LILRA5: variants seen among roughly 807,000 people sequenced by gnomAD.
LILRA5 encodes the protein leukocyte immunoglobulin like receptor A5.
Under a neutral mutation model 36.3 loss-of-function variants are expected in LILRA5, and 31 were observed. The observed-to-expected ratio is 0.85, with a 90% CI of 0.64 to 1.15. The LOEUF (loss-of-function observed/expected upper bound fraction) is 1.15, where lower values mean the gene tolerates loss of function less well. Among genes scored for constraint, LILRA5 ranks in the 50% most tolerant of loss-of-function variants. The pLI is 0.00. For synonymous variants in LILRA5, 144 were observed against 144.8 expected (o/e 0.99, Z 0.04); for missense variants, 348 against 377.4 (o/e 0.92, Z 0.64).
rs754815626 is a variant in LILRA5, at chr19:54,312,631, CAG to C, written c.4-12_4-11del. The stretch of plus-strand genomic sequence containing the variant: ...GATGAGACCATGGTGCCTGGCAGGA[CAG>C]AGAGACACACAGGGTGTGGCAGCTC... On this transcript the variant is annotated splice_polypyrimidine_tract_variant and intron_variant, in intron 1 of 6. Coordinates refer to ENST00000432233, the MANE Select transcript of LILRA5 (RefSeq NM_021250.4). 1.9e-5 allele frequency: 31 copies of C among 1,613,600 alleles called. No homozygotes were observed. Among genetic ancestry groups the C allele is most frequent in the East Asian group, 4.5e-5 (2 of 44,886 alleles).
At chr19:54,312,918 C>G in intron 1 of LILRA5, 99 bp downstream of exon 1, 1 of 1,504,860 alleles carries the variant, frequency 6.6e-7, no homozygotes. Flanking sequence ...GAGTCAGCCC[C>G]TTTCAGGCGA....
chr19:54,310,302 A>T (rs73617983), intron 5 of LILRA5: 2,434 of 155,148 alleles, frequency 0.016, 77 homozygotes, highest in African/African-American at 0.056. Flanking sequence ...TCCTTCCTCT[A>T]CTCATCACTC....
At chr19:54,312,746 TC>T (rs1000476591) in intron 1 of LILRA5, 125 bp from the exon 2 acceptor site, 4 of 994,124 alleles carry the variant, frequency 4.0e-6, no homozygotes, top group African/African-American at 3.2e-5. Flanking sequence ...GGCTCTCATT[TC>T]CCCAGGGCTG....
At chr19:54,307,897 C>A in intron 5 of LILRA5, 149 bp from the exon 6 acceptor site, 2 of 653,234 alleles carry the variant, frequency 3.1e-6, no homozygotes, top group South Asian at 3.5e-5. Context: ...TCTGCTGGAG[C>A]AGGGTTCCCT....
Position 54,311,525 on chromosome 19 carries a change from C to T in LILRA5, c.601G>A (p.Val201Met), listed in dbSNP as rs762467505. Reference protein sequence around the residue: ...PSGQFQALFPVGPVTPSHRWM... With the variant: ...PSGQFQALFPMGPVTPSHRWM... ...CTGTGGCTGGGGGTCACAGGGCCCACAGGGAACAGGGCCTGGAACTGCCCA... is the reference window on the plus strand; with the variant it reads ...CTGTGGCTGGGGGTCACAGGGCCCATAGGGAACAGGGCCTGGAACTGCCCA... The change falls in exon 5 of 7, where the codon GTG becomes ATG. Residue 201 changes from valine (V) to methionine (M), a missense_variant. By Grantham distance (21) the Val-to-Met change is conservative. Transcript: ENST00000432233. 1.2e-6 allele frequency: 2 copies of T among 1,614,182 alleles called. No homozygotes were observed. The highest frequency in any genetic ancestry group is 1.1e-5 in the South Asian group (1 of 91,084).
At chr19:54,308,313 A>ATGTGTGTGTGTGTG (rs1208329632) in intron 5 of LILRA5, 4 of 52,664 alleles carry the variant, frequency 7.6e-5, no homozygotes, top group Middle Eastern at 9.8e-3. Flanking sequence ...ATGTATATAA[A>ATGTGTGTGTGTGTG]TGTGTGTGTG....
At position 54,311,848 on chromosome 19, in the gene LILRA5, C is replaced by A; in HGVS notation, c.409+16G>T. On this transcript the variant is annotated intron_variant, in intron 4 of 6. Coordinates refer to ENST00000432233, the MANE Select transcript of LILRA5 (RefSeq NM_021250.4). ...AGGGCAGAGCCTGGAGCTGGGACCC[C>A]AGAGTGTCCTCTCACCTGTCACCAC... 6.2e-7 allele frequency: 1 copy of A among 1,614,158 alleles called. No individual in the cohort carries two copies.
rs201196921 is a variant in LILRA5, at chr19:54,307,376, G to T, written c.*37C>A. ...TAGGACCATCAGATTCGCTTCCAAG[G>T]CTCCAGCATTCAATGGTGCATTGTT... On this transcript the variant is annotated 3_prime_UTR_variant, in exon 7 of 7. Transcript: ENST00000432233. 64 of 1,569,516 alleles carry T rather than the reference G, an allele frequency of 4.1e-5. No individual in the cohort carries two copies. The highest frequency in any genetic ancestry group is 2.5e-4 in the Admixed American group (14 of 55,200).
rs542120562 is a variant in LILRA5, at chr19:54,311,254, C to T, written c.712+160G>A. ...TACACGTGTGAGCCACTGTGCCCAGCCCTTGCTTTGTTTTCCTCACCCTGA... is the reference window on the plus strand; with the variant it reads ...TACACGTGTGAGCCACTGTGCCCAGTCCTTGCTTTGTTTTCCTCACCCTGA... On this transcript the variant is annotated intron_variant, in intron 5 of 6. Coordinates refer to ENST00000432233, the MANE Select transcript of LILRA5 (RefSeq NM_021250.4). 7.5e-4 allele frequency: 1,157 copies of T among 1,536,298 alleles called. 1 individual carries two copies. The highest frequency in any genetic ancestry group is 9.3e-4 in the Non-Finnish European group (1,067 of 1,141,486).
At position 54,311,943 on chromosome 19, in the gene LILRA5, A is replaced by G. The variant is rs1344901763; in HGVS notation, c.330T>C (p.His110=). 1 of 1,614,136 alleles carries G rather than the reference A, an allele frequency of 6.2e-7. No individual in the cohort carries two copies. The highest frequency in any genetic ancestry group is 1.6e-4 in the Middle Eastern group (1 of 6,062). The change falls in exon 4 of 7, where the codon CAT becomes CAC. Residue 110 remains histidine, a synonymous_variant. Transcript: ENST00000432233. ...AGTAGTAACAGCGGTATCTCCCTGCATGGTGCTCTGTCATGGATGGGATGG... is the reference window on the plus strand; with the variant it reads ...AGTAGTAACAGCGGTATCTCCCTGCGTGGTGCTCTGTCATGGATGGGATGG... ...RFSIPSMTEH[H]AGRYRCYYYS... is the part of the protein sequence containing the mutation.
intron 4 of LILRA5, 40 bp from the exon 5 acceptor site, chr19:54,311,756 C>T: frequency 6.2e-7 from 1 of 1,609,884 alleles, no homozygotes; most frequent in Non-Finnish European, 8.5e-7. Context: ...GGGGCTCCCA[C>T]CTCCCACATC....
chr19:54,311,624 A>G lies in LILRA5; in HGVS notation c.502T>C (p.Phe168Leu). ...TCCTCAGTCAGAATGAACCTGTCGA[A>G]TCTCAGCCGTGAGCCACACTGGAGG... ...VTLQCGSRLR[F>L]DRFILTEEGD... Residue 168 changes from phenylalanine to leucine, a missense_variant, in exon 5 of 7, where the codon TTC (phenylalanine) becomes CTC (leucine). Physicochemically the swap from Phe to Leu is conservative, Grantham distance 22. Coordinates refer to ENST00000432233, the MANE Select transcript of LILRA5 (RefSeq NM_021250.4). 6.2e-7 allele frequency: 1 copy of G among 1,614,082 alleles called. No individual in the cohort carries two copies. The highest frequency in any genetic ancestry group is 8.5e-7 in the Non-Finnish European group (1 of 1,179,988).
chr19:54,310,758 G>T, intron 5 of LILRA5: 1 of 286,300 alleles, frequency 3.5e-6, no homozygotes. Context: ...TGTCCTCCTT[G>T]TAGAGAGCAA....
chr19:54,311,388 AC>A (rs1569143120), intron 5 of LILRA5, 25 bp downstream of exon 5: 1 of 1,614,136 alleles, frequency 6.2e-7, no homozygotes, highest in Admixed American at 1.7e-5. Context: ...CCTGAATTGT[AC>A]TAGAGAAGAC....
intron 1 of LILRA5, 151 bp downstream of exon 1, chr19:54,312,866 T>C (rs1178984525): frequency 1.1e-5 from 11 of 999,712 alleles, no homozygotes; most frequent in Admixed American, 4.2e-5. Flanking sequence ...TTTATCTCAC[T>C]GAGAGCCGGG....
intron 5 of LILRA5, chr19:54,308,181 A>C (rs1616661): frequency 6.0e-6 from 1 of 167,068 alleles, no homozygotes; most frequent in Admixed American, 5.6e-5. Flanking sequence ...GGCTCCTGAA[A>C]GTCAGAATCA....
In LILRA5 at chr19:54,307,304, C is replaced by A. The variant is rs1309211688; in HGVS notation, c.*109G>T. The A allele has an allele frequency of 2.2e-6, 2 of 919,362 alleles. No individual in the cohort carries two copies. The highest frequency in any genetic ancestry group is 1.7e-5 in the African/African-American group (1 of 57,918). 57.0% of individuals were successfully genotyped at this position (919,362 alleles called of 1,614,324 possible). On this transcript the variant is annotated 3_prime_UTR_variant, in exon 7 of 7. Coordinates refer to ENST00000432233, the MANE Select transcript of LILRA5 (RefSeq NM_021250.4). ...AAGAAAGAAAAAAAGAAATTGCCAGCAGACAGTCCAGATGGCATAGGCCTC... is the reference window on the plus strand; with the variant it reads ...AAGAAAGAAAAAAAGAAATTGCCAGAAGACAGTCCAGATGGCATAGGCCTC...
At chr19:54,307,667 G>C in intron 6 of LILRA5, 31 bp downstream of exon 6, 2 of 1,613,892 alleles carry the variant, frequency 1.2e-6, no homozygotes, top group South Asian at 2.2e-5. Context: ...CTCTGTGCCA[G>C]TTCCATAACT....
rs189831004 is a variant in LILRA5 at position 54,307,201 on chromosome 19, G to A, written c.*212C>T. On this transcript the variant is annotated 3_prime_UTR_variant, in exon 7 of 7. Coordinates refer to ENST00000432233, the MANE Select transcript of LILRA5 (RefSeq NM_021250.4). Reference sequence around the variant, plus strand: ...GGAGGTTGCAGTGAGCCCAGATTGCGCCACTGCATTCCAGCCTGGTGACAG... The same window carrying A: ...GGAGGTTGCAGTGAGCCCAGATTGCACCACTGCATTCCAGCCTGGTGACAG... 2.0e-4 allele frequency: 69 copies of A among 347,326 alleles called. No individual in the cohort carries two copies. The highest frequency in any genetic ancestry group is 7.3e-4 in the Admixed American group (12 of 16,412). The allele number at this position is 347,326 out of a possible 1,614,324, so 21.5% of individuals were successfully genotyped here.
Sources: allele counts gnomAD v4.1 joint callset, GRCh38; gene constraint gnomAD v4.1.1; transcripts MANE v1.5; gene names NCBI Gene and HGNC (gene_info 2026-07-23, HGNC 2026-07-21).